CUZD1: variants seen among roughly 807,000 people sequenced by gnomAD.
The protein encoded by CUZD1 is CUB and zona pellucida-like domain-containing protein 1.
CUZD1 carries 42 observed loss-of-function variants against 53.1 expected under a neutral mutation model. That is an observed-to-expected ratio of 0.79 (90% CI 0.62 to 1.02). The LOEUF (loss-of-function observed/expected upper bound fraction) is 1.02, where lower values mean the gene tolerates loss of function less well. CUZD1 is among the 50% of genes least tolerant of loss of function. The probability of loss-of-function intolerance (pLI) is 0.00; values close to 1 mark genes in which losing one functional copy is unlikely to be tolerated. For missense variants in CUZD1, 670 were observed against 715.7 expected (o/e 0.94, Z 0.73); for synonymous variants, 238 against 257.2 (o/e 0.93, Z 0.71).
intron 2 of CUZD1, among the ~76,000 whole-genome samples, chr10:122,840,704 A>T (rs1347089524): frequency 6.6e-6 from 1 of 152,296 alleles, no homozygotes; most frequent in South Asian, 2.1e-4. Context: ...AAAATCTATA[A>T]AATAAAAAAT....
At chr10:122,833,430 T>C (rs542488220) in intron 8 of CUZD1, among the ~76,000 whole-genome samples, 8 of 152,340 alleles carry the variant, frequency 5.3e-5, no homozygotes, top group South Asian at 2.1e-4. Flanking sequence ...ACATTACACT[T>C]ATACTCAAAA....
In CUZD1 at chr10:122,835,005, A is replaced by C; in HGVS notation, c.1083T>G (p.Ile361Met). ...TATGTCCCATTTCACACTTCACAAT[A>C]ATCTGGAGTTGTTTCTGACGGGTGA... ...EVITRQKQLQ[I>M]IVKCEMGHNS... Residue 361 changes from isoleucine to methionine, a missense_variant, in exon 7 of 9, where the codon ATT (isoleucine) becomes ATG (methionine). By Grantham distance (10) the Ile-to-Met change is conservative. Transcript: ENST00000392790. The C allele has an allele frequency of 6.2e-7, 1 of 1,613,610 alleles. No individual in the cohort carries two copies. The highest frequency in any genetic ancestry group is 8.5e-7 in the Non-Finnish European group (1 of 1,179,686).
chr10:122,836,598 A>C (rs1339519930), intron 5 of CUZD1, among the ~76,000 whole-genome samples: 1 of 152,182 alleles, frequency 6.6e-6, no homozygotes, highest in Non-Finnish European at 1.5e-5. Context: ...AATTAAGGGA[A>C]ACAGTCCATA....
rs777742404 is a variant in CUZD1 at position 122,833,881 on chromosome 10, T to TG, written c.1441dup (p.Gln481ProfsTer3). The TG allele has an allele frequency of 1.5e-5, 25 of 1,613,810 alleles. No individual in the cohort carries two copies. Among genetic ancestry groups the TG allele is most frequent in the Non-Finnish European group, 2.0e-5 (24 of 1,179,820 alleles). ...TCTCAAGAATTTAAAGGCATTAAAC[T>TG]GGAATCTCCCATAGTGTCCAAATAA... On this transcript the variant is annotated frameshift_variant, in exon 8 of 9. Transcript: ENST00000392790. LOFTEE classifies it high-confidence loss of function.
rs1364009742 is a variant in CUZD1 at position 122,832,420 on chromosome 10, G to A, written c.1682C>T (p.Thr561Ile). Reference sequence around the variant, plus strand: ...CACACTGTTGAAAGGCTGGTTTGGAGTTTCTTCCGCATGTGTTTCATGCTG... The same window carrying A: ...CACACTGTTGAAAGGCTGGTTTGGAATTTCTTCCGCATGTGTTTCATGCTG... ...GFQHETHAEE[T>I]PNQPFNSVHL... is the part of the protein sequence containing the mutation. The change falls in exon 9 of 9, where the codon ACT (threonine) becomes ATT (isoleucine). Residue 561 changes from threonine (T) to isoleucine (I), a missense_variant. Coordinates refer to ENST00000392790, the MANE Select transcript of CUZD1 (RefSeq NM_022034.6). 9.3e-6 allele frequency: 15 copies of A among 1,613,916 alleles called. No individual in the cohort carries two copies. Among genetic ancestry groups the A allele is most frequent in the Non-Finnish European group, 1.3e-5 (15 of 1,179,874 alleles).
At position 122,841,251 on chromosome 10, in the gene CUZD1, G is replaced by C; in HGVS notation, c.160C>G (p.Pro54Ala). The change falls in exon 2 of 9, where the codon CCC becomes GCC. Residue 54 changes from proline to alanine, a missense_variant. Physicochemically the swap from Pro to Ala is conservative, Grantham distance 27 (BLOSUM62 -1). Coordinates refer to ENST00000392790, the MANE Select transcript of CUZD1 (RefSeq NM_022034.6). Reference protein sequence around the residue: ...THKAMILQLNPSENCTWTIER... With the variant: ...THKAMILQLNASENCTWTIER... ...ATTGTCCAGGTGCAGTTCTCACTGG[G>C]ATTGAGTTGCAGGATCATGGCTTTG... 2.5e-6 allele frequency: 4 copies of C among 1,614,006 alleles called. No homozygotes were observed. The South Asian group carries it at 3.3e-5, about 13-fold the overall frequency.
intron 3 of CUZD1, among the ~76,000 whole-genome samples, chr10:122,838,778 C>A (rs145278102): frequency 1.7e-3 from 257 of 152,334 alleles, no homozygotes; most frequent in African/African-American, 5.5e-3. Flanking sequence ...AAGTCAAGAT[C>A]ATGTGCTCCA....
At chr10:122,834,014 T>A in intron 7 of CUZD1, 74 bp from the exon 8 acceptor site, 1 of 1,378,638 alleles carries the variant, frequency 7.3e-7, no homozygotes, top group Non-Finnish European at 1.0e-6. Context: ...AAGTTTTCTC[T>A]CAACTAAGTT....
chr10:122,836,091 A>T, intron 6 of CUZD1, 87 bp downstream of exon 6: 1 of 1,287,392 alleles, frequency 7.8e-7, no homozygotes, highest in Non-Finnish European at 1.1e-6. Flanking sequence ...GTCGTTTGTT[A>T]CAGCAGCTAG....
intron 5 of CUZD1, among the ~76,000 whole-genome samples, chr10:122,836,613 C>T (rs973266365): frequency 6.6e-6 from 1 of 152,164 alleles, no homozygotes; most frequent in African/African-American, 2.4e-5. Context: ...TCCATATTAT[C>T]TGCATAAATC....
At chr10:122,843,566 T>C (rs2133818726) in intron 1 of CUZD1, among the ~76,000 whole-genome samples, 1 of 152,284 alleles carries the variant, frequency 6.6e-6, no homozygotes, top group African/African-American at 2.4e-5. Flanking sequence ...AATCCATGAA[T>C]GCTGAACCCA....
intron 1 of CUZD1, 101 bp from the exon 2 acceptor site, chr10:122,841,429 G>C: frequency 8.4e-7 from 1 of 1,187,990 alleles, no homozygotes; most frequent in East Asian, 2.5e-5. Context: ...CATACAAGTA[G>C]GCAGCTAATT....
chr10:122,835,616 A>G (rs1018181823), intron 6 of CUZD1, among the ~76,000 whole-genome samples: 1 of 152,148 alleles, frequency 6.6e-6, no homozygotes, highest in Non-Finnish European at 1.5e-5. Context: ...ATTCTTTTCA[A>G]TTAGGTTACT....
intron 1 of CUZD1, among the ~76,000 whole-genome samples, chr10:122,841,776 C>G (rs893093757): frequency 3.3e-5 from 5 of 152,200 alleles, no homozygotes; most frequent in African/African-American, 1.2e-4. Flanking sequence ...TCAACACACA[C>G]TATTGTCAGG....
chr10:122,838,893 C>T (rs1412996077), intron 3 of CUZD1, 124 bp downstream of exon 3: 1 of 714,106 alleles, frequency 1.4e-6, no homozygotes, highest in Non-Finnish European at 2.4e-6. Flanking sequence ...AACTACTGCT[C>T]TCTCAGATAG....
At chr10:122,836,423 C>T (rs113457241) in intron 5 of CUZD1, 73 bp from the exon 6 acceptor site, 29 of 1,276,850 alleles carry the variant, frequency 2.3e-5, no homozygotes, top group African/African-American at 9.2e-5. Flanking sequence ...TGAAGAGCTA[C>T]GTGTGCAAGT....
At chr10:122,841,366 A>C (rs536133355) in intron 1 of CUZD1, 38 bp from the exon 2 acceptor site, 3 of 1,558,924 alleles carry the variant, frequency 1.9e-6, no homozygotes, top group Admixed American at 1.9e-5. Flanking sequence ...GAAAGTCAAC[A>C]GGCCCTTTCC....
rs771517753 is a variant in CUZD1, at chr10:122,832,258, C to A, written c.*20G>T. 6.2e-7 allele frequency: 1 copy of A among 1,611,340 alleles called. No homozygotes were observed. Among genetic ancestry groups the A allele is most frequent in the Admixed American group, 1.7e-5 (1 of 59,882 alleles). ...TGGCATCCTGGAGAAACATGTCTCA[C>A]TTAGGGTTGGACCTGTTAGTTAATA... On this transcript the variant is annotated 3_prime_UTR_variant, in exon 9 of 9. Transcript: ENST00000392790.
At position 122,839,246 on chromosome 10, in the gene CUZD1, C is replaced by A; in HGVS notation, c.234-15G>T. On this transcript the variant is annotated splice_polypyrimidine_tract_variant and intron_variant, in intron 2 of 8. Coordinates refer to ENST00000392790, the MANE Select transcript of CUZD1 (RefSeq NM_022034.6). Reference sequence around the variant, plus strand: ...CTGGATCAAGCCTGTGGAAAAAACACAACTGTGGCTGAAGAAGTGTCACAA... The same window carrying A: ...CTGGATCAAGCCTGTGGAAAAAACAAAACTGTGGCTGAAGAAGTGTCACAA... 5.6e-6 allele frequency: 9 copies of A among 1,611,296 alleles called. No individual in the cohort carries two copies. The highest frequency in any genetic ancestry group is 7.6e-6 in the Non-Finnish European group (9 of 1,177,764).
Sources: allele counts gnomAD v4.1 joint callset (sites outside exome capture counted in the v4.1 genomes callset), GRCh38; gene constraint gnomAD v4.1.1; transcripts MANE v1.5; gene names NCBI Gene and HGNC (gene_info 2026-07-23, HGNC 2026-07-21).